Variants in FRMD6 observed in about 807,000 individuals in gnomAD.
FRMD6 encodes FERM domain containing 6, also known as FERM domain-containing protein 6.
In FRMD6, 37 loss-of-function variants were observed where a neutral mutation model predicts 73.2. The ratio of observed to expected loss-of-function variants is 0.51; its 90% CI spans 0.39 to 0.66. The LOEUF (loss-of-function observed/expected upper bound fraction) is 0.66. Among genes scored for constraint, FRMD6 ranks in the 30% least tolerant of loss-of-function variants. FRMD6 has a pLI of 0.00. For synonymous variants in FRMD6, 273 were observed against 282.2 expected (o/e 0.97, Z 0.33); for missense variants, 714 against 780.5 (o/e 0.91, Z 1.02).
At chr14:51,617,367 AG>A (rs1890755632) in intron 2 of FRMD6, among the ~76,000 whole-genome samples, 1 of 152,198 alleles carries the variant, frequency 6.6e-6, no homozygotes, top group African/African-American at 2.4e-5. Context: ...GGAGAGGTAG[AG>A]GGAAGACAGG....
intron 2 of FRMD6, among the ~76,000 whole-genome samples, chr14:51,632,214 T>TC (rs1419111650): frequency 3.3e-5 from 5 of 152,204 alleles, no homozygotes; most frequent in Non-Finnish European, 7.3e-5. Flanking sequence ...TCCTGAGGCC[T>TC]CCCCAGCCAT....
At chr14:51,469,253 G>A in the FRMD6 span, among the ~76,000 whole-genome samples, 1 of 150,126 alleles carries the variant, frequency 6.7e-6, no homozygotes, top group Non-Finnish European at 1.5e-5. Flanking sequence ...TTTGTTTTTT[G>A]TTTTTTATTT....
intron 2 of FRMD6, among the ~76,000 whole-genome samples, chr14:51,639,841 AT>A (rs1891741355): frequency 6.6e-6 from 1 of 152,262 alleles, no homozygotes; most frequent in Non-Finnish European, 1.5e-5. Flanking sequence ...ATTAGGCAGC[AT>A]CAAAAGAGCA....
rs375137578 is a variant in FRMD6, at chr14:51,704,776, C to T, written c.399C>T (p.Tyr133=). 83 of 1,612,628 alleles carry T rather than the reference C, an allele frequency of 5.1e-5. No homozygotes were observed. The African/African-American group carries it at 8.3e-4, about 16-fold the overall frequency. The change falls in exon 6 of 14, where the codon TAC becomes TAT. Residue 133 remains tyrosine (Y), a synonymous_variant. Coordinates refer to ENST00000344768, the MANE Select transcript of FRMD6 (RefSeq NM_001267046.2). ...ISDRAARYYY[Y]WHLRKQVLHS... ...ACAGAGCAGCAAGATACTATTATTA[C>T]TGGCACCTGAGAAAACAAGTTCTTC...
chr14:51,650,852 G>A (rs1892322266), upstream of FRMD6: 2 of 152,322 alleles, frequency 1.3e-5, 1 homozygote, highest in South Asian at 4.1e-4. Flanking sequence ...GCCACCCGTG[G>A]CCAGGGGTCA....
intron 2 of FRMD6, among the ~76,000 whole-genome samples, chr14:51,602,312 A>G (rs570553480): frequency 1.3e-5 from 2 of 152,266 alleles, no homozygotes; most frequent in Admixed American, 6.5e-5. Context: ...GAGGGTTGGA[A>G]AGAGAATTCT....
intron 2 of FRMD6, among the ~76,000 whole-genome samples, chr14:51,573,376 T>C (rs1299167653): frequency 6.6e-6 from 1 of 152,016 alleles, no homozygotes; most frequent in Non-Finnish European, 1.5e-5. Flanking sequence ...TCACCTCTTA[T>C]GCCAATGAGA....
chr14:51,656,703 C>T (rs1035709275), intron 1 of FRMD6, among the ~76,000 whole-genome samples: 2 of 152,194 alleles, frequency 1.3e-5, no homozygotes, highest in Non-Finnish European at 2.9e-5. Context: ...TGAGCCACCG[C>T]GCCCGGCTAG....
At chr14:51,495,278 C>G (rs1202268504) in intron 1 of FRMD6, among the ~76,000 whole-genome samples, 1 of 152,158 alleles carries the variant, frequency 6.6e-6, no homozygotes, top group Non-Finnish European at 1.5e-5. Context: ...CATATTTCAC[C>G]AATATTCTGT....
the FRMD6 span, among the ~76,000 whole-genome samples, chr14:51,412,990 A>ATTTTTT: frequency 7.5e-5 from 10 of 134,156 alleles, no homozygotes; most frequent in African/African-American, 2.2e-4. Context: ...CCATAGTTAA[A>ATTTTTT]TTTTTTTTTT....
chr14:51,541,898 T>C (rs1020287274), intron 1 of FRMD6, among the ~76,000 whole-genome samples: 1 of 152,054 alleles, frequency 6.6e-6, no homozygotes, highest in Non-Finnish European at 1.5e-5. Context: ...TGAAGGTTAA[T>C]GTGTGATGTC....
chr14:51,447,632 G>A, the FRMD6 span, among the ~76,000 whole-genome samples: 4 of 152,130 alleles, frequency 2.6e-5, no homozygotes, highest in African/African-American at 4.8e-5. Context: ...TTGGCGTCTC[G>A]CCTACAGCCC....
At position 51,538,500 on chromosome 14, in the gene FRMD6, T is replaced by C. The variant is rs1294032453; in HGVS notation, c.-209-31848T>C. 2.0e-5 allele frequency among the ~76,000 whole-genome samples: 3 copies of C among 152,350 alleles called. No homozygotes were observed. The East Asian group carries it at 5.8e-4, about 29-fold the overall frequency. On this transcript the variant is annotated intron_variant, in intron 1 of 14. Coordinates refer to the FRMD6 transcript ENST00000356218. ...ATCCAAGAACAGGAAGATTTACTCC[T>C]GTTTTCTTCTGAAAGCTTTATAGTT...
intron 1 of FRMD6, among the ~76,000 whole-genome samples, chr14:51,498,862 G>C (rs1016482531): frequency 2.6e-5 from 4 of 152,182 alleles, no homozygotes; most frequent in Non-Finnish European, 4.4e-5. Flanking sequence ...AGATCTCATA[G>C]GTATTTTATG....
chr14:51,483,156 C>G, the FRMD6 span, among the ~76,000 whole-genome samples: 1 of 152,110 alleles, frequency 6.6e-6, no homozygotes, highest in East Asian at 1.9e-4. Flanking sequence ...TTCTTTAAAC[C>G]ATTATCTTCA....
the FRMD6 span, chr14:51,437,037 G>C: frequency 3.9e-6 from 2 of 511,074 alleles, no homozygotes; most frequent in Non-Finnish European, 3.5e-6. Flanking sequence ...TGCACAACGT[G>C]CAAGTTTGTT....
At chr14:51,551,015 T>A (rs1173782285) in intron 1 of FRMD6, among the ~76,000 whole-genome samples, 2 of 152,232 alleles carry the variant, frequency 1.3e-5, no homozygotes, top group Non-Finnish European at 2.9e-5. Context: ...TGACCTTCAC[T>A]TGTCCCTTGA....
intron 5 of FRMD6, 43 bp downstream of exon 5, chr14:51,702,631 A>G: frequency 6.7e-7 from 1 of 1,481,492 alleles, no homozygotes; most frequent in Non-Finnish European, 9.4e-7. Flanking sequence ...TTTTTCCCCC[A>G]TAGCACTTTT....
chr14:51,576,394 A>G (rs895344438), intron 2 of FRMD6, among the ~76,000 whole-genome samples: 4 of 152,188 alleles, frequency 2.6e-5, no homozygotes, highest in Non-Finnish European at 5.9e-5. Context: ...AGAGTCCTTT[A>G]AAAGCATTCA....
Sources: gnomAD v4.1 joint callset for allele counts (sites outside exome capture counted in the v4.1 genomes callset) on GRCh38, gnomAD v4.1.1 for gene constraint, MANE v1.5 for transcripts, NCBI Gene and HGNC (gene_info 2026-07-23, HGNC 2026-07-21) for gene names.